The following CHPT1 variants were observed in gnomAD, a reference collection of about 807,000 sequenced individuals.
CHPT1 encodes choline phosphotransferase 1, also known as cholinephosphotransferase 1.
A neutral mutation model predicts 47.6 loss-of-function variants in CHPT1; 36 were observed. That is an observed-to-expected ratio of 0.76 (90% CI 0.58 to 1.00). The LOEUF (loss-of-function observed/expected upper bound fraction) is 1.00, where lower values mean the gene tolerates loss of function less well. Among genes scored for constraint, CHPT1 ranks in the 50% least tolerant of loss-of-function variants. The probability of loss-of-function intolerance (pLI) is 0.00; values close to 1 mark genes in which losing one functional copy is unlikely to be tolerated. For missense variants in CHPT1, 458 were observed against 498.1 expected, an observed-to-expected ratio of 0.92 and a Z score of 0.77; for synonymous variants, 194 against 186.3, an observed-to-expected ratio of 1.04 and a Z score of -0.33.
At chr12:101,700,879 T>C (rs1951545240) in intron 1 of CHPT1, among the ~76,000 whole-genome samples, 1 of 152,218 alleles carries the variant, frequency 6.6e-6, no homozygotes, top group Non-Finnish European at 1.5e-5. Context: ...GCTTGGGACT[T>C]GTTTTCTGAT....
chr12:101,725,167 G>A (rs969321487), intron 7 of CHPT1, among the ~76,000 whole-genome samples: 3 of 152,050 alleles, frequency 2.0e-5, no homozygotes, highest in African/African-American at 7.2e-5. Context: ...TCCCTTACTA[G>A]GTTGTGTAGT....
chr12:101,721,815 C>T (rs1951855468), intron 5 of CHPT1, among the ~76,000 whole-genome samples: 1 of 152,070 alleles, frequency 6.6e-6, no homozygotes, highest in Non-Finnish European at 1.5e-5. Context: ...AATCCCAGCA[C>T]TTTGGGAGGC....
chr12:101,726,451 T>C, intron 8 of CHPT1, 47 bp downstream of exon 8: 9 of 1,604,152 alleles, frequency 5.6e-6, no homozygotes, highest in Non-Finnish European at 6.8e-6. Flanking sequence ...AAAGAGGAGA[T>C]GAAGTTAGGG....
chr12:101,723,093 G>C (rs1339115307), intron 5 of CHPT1, 75 bp from the exon 6 acceptor site: 2 of 1,356,144 alleles, frequency 1.5e-6, no homozygotes, highest in South Asian at 1.2e-5. Context: ...GCACAAAATA[G>C]ATGGTCAGAA....
Position 101,720,964 on chromosome 12 carries a change from T to C in CHPT1, c.780+710T>C, listed in dbSNP as rs1210644679. Reference sequence around the variant, plus strand: ...ACAAGTACTTATTCCAGTGATACCATCTTATACCAAACCATTGTTATAATG... The same window carrying C: ...ACAAGTACTTATTCCAGTGATACCACCTTATACCAAACCATTGTTATAATG... On this transcript the variant is annotated intron_variant, in intron 5 of 8. Coordinates refer to ENST00000229266, the MANE Select transcript of CHPT1 (RefSeq NM_020244.3). Among the ~76,000 whole-genome samples, 12 of 152,312 alleles carry C rather than the reference T, an allele frequency of 7.9e-5. No homozygotes were observed. The East Asian group carries it at 1.9e-3, about 24-fold the overall frequency.
intron 8 of CHPT1, 143 bp from the exon 9 acceptor site, chr12:101,728,758 C>A: frequency 1.1e-6 from 1 of 891,228 alleles, no homozygotes; most frequent in Non-Finnish European, 1.7e-6. Context: ...TGCTAACTAA[C>A]TCATAACTAT....
intron 7 of CHPT1, among the ~76,000 whole-genome samples, chr12:101,725,130 C>T (rs953594080): frequency 7.9e-5 from 12 of 152,056 alleles, no homozygotes; most frequent in Admixed American, 2.6e-4. Flanking sequence ...CTATTCTGTG[C>T]ATGGATTACA....
intron 5 of CHPT1, among the ~76,000 whole-genome samples, chr12:101,722,058 CA>C (rs529429491): frequency 0.02 from 2,749 of 135,546 alleles, 78 homozygotes; most frequent in African/African-American, 0.069. Context: ...GATTCCATCT[CA>C]AAAAAAAAAA....
At chr12:101,723,057 A>G (rs1239935131) in intron 5 of CHPT1, 111 bp from the exon 6 acceptor site, 6 of 944,644 alleles carry the variant, frequency 6.4e-6, no homozygotes, top group Non-Finnish European at 1.0e-5. Flanking sequence ...GCCATACACT[A>G]CATCACACTG....
intron 3 of CHPT1, among the ~76,000 whole-genome samples, chr12:101,716,405 G>A (rs1951764031): frequency 6.6e-6 from 1 of 152,028 alleles, no homozygotes; most frequent in South Asian, 2.1e-4. Flanking sequence ...TAATTATTGT[G>A]AAAAAACTTC....
intron 5 of CHPT1, among the ~76,000 whole-genome samples, chr12:101,722,643 C>T (rs776701012): frequency 6.7e-5 from 10 of 149,268 alleles, no homozygotes; most frequent in Admixed American, 4.0e-4. Flanking sequence ...CGCTTGAGCC[C>T]GGGAGTTTGA....
chr12:101,703,454 TA>T (rs1472804748), intron 1 of CHPT1, among the ~76,000 whole-genome samples: 2 of 152,220 alleles, frequency 1.3e-5, no homozygotes, highest in African/African-American at 4.8e-5. Context: ...TAACTGCATT[TA>T]TGTGCGATGT....
intron 6 of CHPT1, 57 bp downstream of exon 6, chr12:101,723,383 G>A: frequency 9.5e-7 from 1 of 1,048,720 alleles, no homozygotes; most frequent in Non-Finnish European, 1.4e-6. Flanking sequence ...CAAACACAAA[G>A]CTGGAAATTA....
intron 4 of CHPT1, chr12:101,719,829 T>C (rs1325894566): frequency 4.5e-6 from 1 of 222,292 alleles, no homozygotes; most frequent in Non-Finnish European, 8.8e-6. Flanking sequence ...TGGTAGTCAG[T>C]TATCTCAATT....
In CHPT1 at chr12:101,720,114, C is replaced by T. The variant is rs1490793079; in HGVS notation, c.649-9C>T. 4 of 1,574,014 alleles carry T rather than the reference C, an allele frequency of 2.5e-6. No homozygotes were observed. Among genetic ancestry groups the T allele is most frequent in the Non-Finnish European group, 3.4e-6 (4 of 1,161,594 alleles). On this transcript the variant is annotated splice_polypyrimidine_tract_variant and intron_variant, in intron 4 of 8. Transcript: ENST00000229266. The stretch of plus-strand genomic sequence containing the variant: ...TTGTCTTAATTGTTTCTTTCTTCTA[C>T]CCCTAAAGATTCCTATTCTAGAAAT...
chr12:101,728,998 A>C lies in CHPT1; in HGVS notation c.*53A>C, dbSNP rs1478923577. 23 of 1,613,308 alleles carry C rather than the reference A, an allele frequency of 1.4e-5. No individual in the cohort carries two copies. The highest frequency in any genetic ancestry group is 1.8e-5 in the Non-Finnish European group (21 of 1,179,646). ...TGCTGCTGCTGTTTCATGGAAGGAG[A>C]TATTAAACATTTGTTTAATTTTTAT... On this transcript the variant is annotated 3_prime_UTR_variant, in exon 9 of 9. Transcript: ENST00000229266.
chr12:101,717,825 A>G (rs550565356), intron 4 of CHPT1, among the ~76,000 whole-genome samples: 2 of 152,334 alleles, frequency 1.3e-5, no homozygotes, highest in Admixed American at 1.3e-4. Flanking sequence ...ACCTGTACAC[A>G]AATGTTTACA....
chr12:101,719,276 C>T (rs1056792622), intron 4 of CHPT1, among the ~76,000 whole-genome samples: 3 of 151,592 alleles, frequency 2.0e-5, no homozygotes, highest in Non-Finnish European at 4.4e-5. Flanking sequence ...TTGTTTCACT[C>T]AATGTTTTGG....
At chr12:101,698,277 T>A (rs956930302) in intron 1 of CHPT1, 143 bp downstream of exon 1, 3 of 1,226,892 alleles carry the variant, frequency 2.4e-6, no homozygotes, top group Non-Finnish European at 3.1e-6. Context: ...CCGGGCGGTG[T>A]CCGCCCTGGG....
Sources: gnomAD v4.1 joint callset for allele counts (sites outside exome capture counted in the v4.1 genomes callset) on GRCh38, gnomAD v4.1.1 for gene constraint, MANE v1.5 for transcripts, NCBI Gene and HGNC (gene_info 2026-07-23, HGNC 2026-07-21) for gene names.